The following MTNAP1 variants were observed in gnomAD, a reference collection of about 807,000 sequenced individuals.
MTNAP1 encodes mitochondrial nucleoid associated protein 1.
chr17:73,245,595 A>G, the MTNAP1 span: 1 of 985,338 alleles, frequency 1.0e-6, no homozygotes, highest in African/African-American at 1.7e-5. Context: ...ATATGTTGAT[A>G]CAGGAAAGTA....
At chr17:73,247,316 G>A in the MTNAP1 span, 28 of 1,614,206 alleles carry the variant, frequency 1.7e-5, no homozygotes, top group African/African-American at 2.9e-4. Flanking sequence ...ACTGGGGATT[G>A]CCGCTCTAAA....
the MTNAP1 span, chr17:73,242,853 G>A: frequency 6.5e-7 from 1 of 1,534,664 alleles, no homozygotes; most frequent in Non-Finnish European, 8.9e-7. Flanking sequence ...ACTGGCCCTA[G>A]TTTCAGTTGC....
At chr17:73,242,417 G>C in the MTNAP1 span, 1 of 1,115,426 alleles carries the variant, frequency 9.0e-7, no homozygotes, top group Non-Finnish European at 1.3e-6. Flanking sequence ...GTTTCTCTTC[G>C]GGCTGTTAAG....
At chr17:73,244,389 CCT>C in the MTNAP1 span, 1 of 151,792 alleles carries the variant, frequency 6.6e-6, no homozygotes, top group Non-Finnish European at 1.5e-5. Context: ...GTGGTGAAAC[CCT>C]GTCTCTACTA....
the MTNAP1 span, chr17:73,235,430 T>G: frequency 4.9e-6 from 7 of 1,436,842 alleles, no homozygotes; most frequent in East Asian, 1.4e-4. Flanking sequence ...AATATTGGTA[T>G]GTACAAACTA....
chr17:73,236,197 G>A, the MTNAP1 span: 1 of 1,614,170 alleles, frequency 6.2e-7, no homozygotes, highest in Non-Finnish European at 8.5e-7. Context: ...CAGTGATGGG[G>A]TTAAAAGGGT....
the MTNAP1 span, among the ~76,000 whole-genome samples, chr17:73,240,311 A>T: frequency 6.6e-6 from 1 of 152,222 alleles, no homozygotes; most frequent in Admixed American, 6.5e-5. Context: ...TGTAATCATC[A>T]TAGGGCCTCT....
the MTNAP1 span, among the ~76,000 whole-genome samples, chr17:73,246,202 T>C: frequency 6.6e-6 from 1 of 152,198 alleles, no homozygotes; most frequent in Non-Finnish European, 1.5e-5. Context: ...CATGCCAAAA[T>C]ACATGAGGTC....
At chr17:73,241,457 CT>C in the MTNAP1 span, among the ~76,000 whole-genome samples, 1 of 152,280 alleles carries the variant, frequency 6.6e-6, no homozygotes, top group East Asian at 1.9e-4. Context: ...CGCGCCCGGC[CT>C]GCATAAGCCC....
chr17:73,242,356 G>C, the MTNAP1 span: 2 of 1,548,372 alleles, frequency 1.3e-6, no homozygotes, highest in African/African-American at 2.8e-5. Flanking sequence ...AAAAAGGTGA[G>C]GCTGGAGTTT....
chr17:73,242,304 C>A, the MTNAP1 span: 29 of 1,606,298 alleles, frequency 1.8e-5, no homozygotes, highest in Admixed American at 3.5e-5. Context: ...GCCGGACTTA[C>A]AACCTCCAAC....
chr17:73,247,156 C>A, the MTNAP1 span: 3 of 1,228,226 alleles, frequency 2.4e-6, no homozygotes, highest in Non-Finnish European at 2.4e-6. Context: ...ATGGCTGTTT[C>A]ACACAACAAC....
the MTNAP1 span, chr17:73,248,600 C>G: frequency 2.0e-6 from 3 of 1,504,102 alleles, no homozygotes; most frequent in Non-Finnish European, 2.7e-6. Flanking sequence ...ACCTTCCCAT[C>G]CATCCCGCAG....
chr17:73,242,199 T>C, the MTNAP1 span: 2 of 1,292,156 alleles, frequency 1.5e-6, no homozygotes, highest in East Asian at 2.4e-5. Flanking sequence ...GGGAAGGGGG[T>C]ACGTTTCGGT....
the MTNAP1 span, chr17:73,245,135 C>A: frequency 6.2e-7 from 1 of 1,610,700 alleles, no homozygotes; most frequent in Non-Finnish European, 8.5e-7. Context: ...AGTGGCCTCT[C>A]GGATCCTTAC....
chr17:73,241,394 G>A, the MTNAP1 span, among the ~76,000 whole-genome samples: 5 of 151,992 alleles, frequency 3.3e-5, no homozygotes, highest in African/African-American at 1.2e-4. Context: ...TCCTGACGTC[G>A]TGATCCACCC....
the MTNAP1 span, chr17:73,236,038 G>T: frequency 6.2e-7 from 1 of 1,614,118 alleles, no homozygotes; most frequent in East Asian, 2.2e-5. Context: ...GTCAAATCAA[G>T]ATAGAAAATA....
chr17:73,242,463 G>A, the MTNAP1 span: 198 of 672,442 alleles, frequency 2.9e-4, no homozygotes, highest in African/African-American at 3.0e-3. Context: ...ATGTTAAAAT[G>A]TGTGTTGTCT....
chr17:73,234,809 ATGTT>A, the MTNAP1 span, among the ~76,000 whole-genome samples: 6 of 69,700 alleles, frequency 8.6e-5, no homozygotes, highest in South Asian at 4.4e-4. Flanking sequence ...ATATTACTAA[ATGTT>A]AGTAGAGCTT....
Sources: gnomAD v4.1 joint callset for allele counts (sites outside exome capture counted in the v4.1 genomes callset) on GRCh38, gnomAD v4.1.1 for gene constraint, MANE v1.5 for transcripts, NCBI Gene and HGNC (gene_info 2026-07-23, HGNC 2026-07-21) for gene names.